TMEM127: variants seen among roughly 807,000 people sequenced by gnomAD.
TMEM127 encodes transmembrane protein 127.
A neutral mutation model predicts 20.1 loss-of-function variants in TMEM127; 21 were observed. The ratio of observed to expected loss-of-function variants is 1.04; its 90% CI spans 0.74 to 1.50. The LOEUF (loss-of-function observed/expected upper bound fraction) is 1.50. Ranked by LOEUF, TMEM127 falls within the 40% of genes most tolerant of loss-of-function variation. The probability of loss-of-function intolerance (pLI) is 0.00; values close to 1 mark genes in which losing one functional copy is unlikely to be tolerated. For missense variants in TMEM127, 303 were observed against 317.4 expected (o/e 0.95, Z 0.34); for synonymous variants, 150 against 144.7 (o/e 1.04, Z -0.26).
chr2:96,258,540 C>T (rs1558754137), intron 2 of TMEM127, among the ~76,000 whole-genome samples: 1 of 152,230 alleles, frequency 6.6e-6, no homozygotes, highest in Non-Finnish European at 1.5e-5. Context: ...TCAGAACTAT[C>T]TGTCATGATC....
Position 96,250,859 on chromosome 2 carries a change from G to A in TMEM127, c.*2949C>T, listed in dbSNP as rs1363206446. The A allele has an allele frequency of 8.6e-6, 2 of 231,546 alleles. No individual in the cohort carries two copies. The highest frequency in any genetic ancestry group is 1.2e-4 in the East Asian group (2 of 16,360). 14.3% of individuals were successfully genotyped at this position (231,546 alleles called of 1,614,324 possible). On this transcript the variant is annotated 3_prime_UTR_variant, in exon 4 of 4. Coordinates refer to ENST00000258439, the MANE Select transcript of TMEM127 (RefSeq NM_017849.4). ...GTTTCAAAGAAAGTGCAGTTTCTAG[G>A]GAGTGAAGGAACACGTGAAATACAG...
Position 96,252,789 on chromosome 2 carries a change from C to T in TMEM127, c.*1019G>A, listed in dbSNP as rs1246713462. The T allele has an allele frequency of 1.7e-5, 4 of 233,798 alleles. No homozygotes were observed. Among genetic ancestry groups the T allele is most frequent in the Admixed American group, 1.1e-4 (2 of 17,788 alleles). 14.5% of individuals were successfully genotyped at this position (233,798 alleles called of 1,614,324 possible). ...AGTCCTGAGGAGCACCACGCTGGCCCGCCAGCCAGGCCACAGTCCTCAGCC... is the reference window on the plus strand; with the variant it reads ...AGTCCTGAGGAGCACCACGCTGGCCTGCCAGCCAGGCCACAGTCCTCAGCC... On this transcript the variant is annotated 3_prime_UTR_variant, in exon 4 of 4. Coordinates refer to ENST00000258439, the MANE Select transcript of TMEM127 (RefSeq NM_017849.4). The surrounding 1 kb of genome is among the most constrained non-coding windows in gnomAD (Gnocchi z 4.2).
At position 96,265,283 on chromosome 2, in the gene TMEM127, C is replaced by T. The variant is rs746237736; in HGVS notation, c.99G>A (p.Ser33=). The T allele has an allele frequency of 1.9e-6, 3 of 1,564,318 alleles. No homozygotes were observed. Among genetic ancestry groups the T allele is most frequent in the Non-Finnish European group, 1.7e-6 (2 of 1,161,432 alleles). Residue 33 remains serine, a synonymous_variant, in exon 2 of 4, where the codon TCG becomes TCA. Coordinates refer to ENST00000258439, the MANE Select transcript of TMEM127 (RefSeq NM_017849.4). ...LPKQPERSLA[S]ALPGALSITA... ...TGATAGACAGGGCGCCAGGCAGGGC[C>T]GAGGCCAGGCTACGCTCCGGCTGCT... is the stretch of plus-strand genomic sequence containing the variant.
chr2:96,263,352 T>C (rs1049010133), intron 2 of TMEM127, among the ~76,000 whole-genome samples: 2 of 150,002 alleles, frequency 1.3e-5, no homozygotes, highest in Admixed American at 6.6e-5. Context: ...AGCCAGTTCC[T>C]GGCCTTTCTT....
Position 96,265,328 on chromosome 2 carries a change from C to A in TMEM127, c.54G>T (p.Pro18=). 1 of 1,520,920 alleles carries A rather than the reference C, an allele frequency of 6.6e-7. No homozygotes were observed. The highest frequency in any genetic ancestry group is 8.8e-7 in the Non-Finnish European group (1 of 1,138,920). The allele number at this position is 1,520,920 out of a possible 1,614,324, so 94.2% of individuals were successfully genotyped here. ...GCTGCTTGGGCAGAGCGCTGCCTCC[C>A]GGGCTCCTCCGCCGGCGCCCGCCGG... The part of the protein sequence containing the change: ...GLPGGRRRRS[P]GGSALPKQPE... The change falls in exon 2 of 4, where the codon CCG becomes CCT. Residue 18 remains proline, a synonymous_variant. Coordinates refer to ENST00000258439, the MANE Select transcript of TMEM127 (RefSeq NM_017849.4).
In TMEM127 at chr2:96,265,972, G is replaced by C. The variant is rs1684416026; in HGVS notation, c.-235C>G. On this transcript the variant is annotated 5_prime_UTR_variant, in exon 1 of 4. Transcript: ENST00000258439. ...CCAGGCCCCAATCCCGCAACGCCCG[G>C]ACAGACCCGGGGCCGATGCACTTCC... 1 of 188,302 alleles carries C rather than the reference G, an allele frequency of 5.3e-6. No individual in the cohort carries two copies. Among genetic ancestry groups the C allele is most frequent in the Admixed American group, 6.2e-5 (1 of 16,150 alleles). The allele number at this position is 188,302 out of a possible 1,614,324, so 11.7% of individuals were successfully genotyped here.
chr2:96,248,524 ATTC>A lies in TMEM127; in HGVS notation c.*5281_*5283del, dbSNP rs1041358489. 5.1e-6 allele frequency: 1 copy of A among 194,394 alleles called. No individual in the cohort carries two copies. The highest frequency in any genetic ancestry group is 6.1e-5 in the Admixed American group (1 of 16,360). The allele number at this position is 194,394 out of a possible 1,614,324, so 12.0% of individuals were successfully genotyped here. On this transcript the variant is annotated 3_prime_UTR_variant, in exon 4 of 4. Transcript: ENST00000258439. ...ATAAATAAGAAAAAATGAATGAGAC[ATTC>A]TTCTTTTATTAAAATAAAACCCATC...
At position 96,265,159 on chromosome 2, in the gene TMEM127, C is replaced by T. The variant is rs2104307262; in HGVS notation, c.223G>A (p.Val75Met). ...ELGVSDVLGY[V>M]HPDLLKDFCM... ...TCACCTTTCAGCAGGTCCGGGTGCA[C>T]ATAGCCCAACACGTCGGAGACCCCC... is the stretch of plus-strand genomic sequence containing the variant. The change falls in exon 2 of 4, where the codon GTG (valine) becomes ATG (methionine). Residue 75 changes from valine to methionine, a missense_variant. Coordinates refer to ENST00000258439, the MANE Select transcript of TMEM127 (RefSeq NM_017849.4). The T allele has an allele frequency of 1.9e-6, 3 of 1,611,648 alleles. No individual in the cohort carries two copies. Among genetic ancestry groups the T allele is most frequent in the Non-Finnish European group, 2.5e-6 (3 of 1,179,622 alleles).
Position 96,250,296 on chromosome 2 carries a change from G to C in TMEM127, c.*3512C>G. 4.3e-6 allele frequency: 1 copy of C among 232,972 alleles called. No individual in the cohort carries two copies. Among genetic ancestry groups the C allele is most frequent in the Non-Finnish European group, 8.5e-6 (1 of 117,930 alleles). The allele number at this position is 232,972 out of a possible 1,614,324, so 14.4% of individuals were successfully genotyped here. A position where few individuals can be genotyped will look rare whatever the true frequency, so the allele number is the denominator to read the frequency against. On this transcript the variant is annotated 3_prime_UTR_variant, in exon 4 of 4. Coordinates refer to ENST00000258439, the MANE Select transcript of TMEM127 (RefSeq NM_017849.4). ...TTTGCTCTTGCCATTCTCTCAGCAGGAGTGTCCCTATCCCAGTTCACTCCC... is the reference window on the plus strand; with the variant it reads ...TTTGCTCTTGCCATTCTCTCAGCAGCAGTGTCCCTATCCCAGTTCACTCCC...
In TMEM127 at chr2:96,263,067, G is replaced by A. The variant is rs13421398; in HGVS notation, c.244+2071C>T. On this transcript the variant is annotated intron_variant, in intron 2 of 3. Transcript: ENST00000258439. ...AATTTACTTTTTTTTTTTTTTTTGAGATGGAGTCTTGCTCTGCTCTGTTGC... is the reference window on the plus strand; with the variant it reads ...AATTTACTTTTTTTTTTTTTTTTGAAATGGAGTCTTGCTCTGCTCTGTTGC... Among the ~76,000 whole-genome samples, 645 of 143,410 alleles carry A rather than the reference G, an allele frequency of 4.5e-3. 7 individuals are homozygous for A. The highest frequency in any genetic ancestry group is 0.016 in the African/African-American group (617 of 38,680). 94.1% of individuals were successfully genotyped at this position (143,410 alleles called of 152,430 possible). A position where few individuals can be genotyped will look rare whatever the true frequency, so the allele number is the denominator to read the frequency against.
rs896902158 is a variant in TMEM127, at chr2:96,251,509, G to A, written c.*2299C>T. On this transcript the variant is annotated 3_prime_UTR_variant, in exon 4 of 4. Coordinates refer to ENST00000258439, the MANE Select transcript of TMEM127 (RefSeq NM_017849.4). ...TACACTCCAGCCCGGGTGACAGAGCGAGACTCTTGTCTCAAAAACAAGAAA... is the reference window on the plus strand; with the variant it reads ...TACACTCCAGCCCGGGTGACAGAGCAAGACTCTTGTCTCAAAAACAAGAAA... The A allele has an allele frequency of 2.7e-5, 6 of 225,444 alleles. No individual in the cohort carries two copies. The highest frequency in any genetic ancestry group is 2.6e-3 in the Middle Eastern group (2 of 768). The allele number at this position is 225,444 out of a possible 1,614,324, so 14.0% of individuals were successfully genotyped here. A position where few individuals can be genotyped will look rare whatever the true frequency, so the allele number is the denominator to read the frequency against.
chr2:96,259,686 C>T (rs903757362), intron 2 of TMEM127, among the ~76,000 whole-genome samples: 8 of 152,198 alleles, frequency 5.3e-5, no homozygotes, highest in Admixed American at 3.9e-4. Flanking sequence ...GACCTGGCGC[C>T]GAATCCTAGC....
intron 2 of TMEM127, among the ~76,000 whole-genome samples, chr2:96,262,275 A>G (rs951752766): frequency 6.6e-6 from 1 of 151,716 alleles, no homozygotes; most frequent in Admixed American, 6.6e-5. Context: ...AAAAAAAAAA[A>G]AAAAAACTCT....
intron 2 of TMEM127, among the ~76,000 whole-genome samples, chr2:96,256,854 A>G (rs1684218172): frequency 6.6e-6 from 1 of 152,212 alleles, no homozygotes; most frequent in Non-Finnish European, 1.5e-5. Flanking sequence ...AAAAACTGGA[A>G]AGTAAAGGGA....
At position 96,254,133 on chromosome 2, in the gene TMEM127, A is replaced by G. The variant is rs1374413238; in HGVS notation, c.410-18T>C. On this transcript the variant is annotated intron_variant, in intron 3 of 3. Transcript: ENST00000258439. The stretch of plus-strand genomic sequence containing the variant: ...CTGCAGAACTAGGAGACAGAGGGAC[A>G]GCACAGAAGGGGAATTAGTGAGCAC... 3 of 1,612,598 alleles carry G rather than the reference A, an allele frequency of 1.9e-6. No homozygotes were observed. Among genetic ancestry groups the G allele is most frequent in the Non-Finnish European group, 2.5e-6 (3 of 1,180,034 alleles).
At chr2:96,264,991 A>C in intron 2 of TMEM127, 147 bp downstream of exon 2, 1 of 1,366,064 alleles carries the variant, frequency 7.3e-7, no homozygotes, top group Non-Finnish European at 1.0e-6. Flanking sequence ...CCGGACCCCA[A>C]ACAGAGCCAC....
rs934952600 is a variant in TMEM127 at position 96,251,697 on chromosome 2, T to G, written c.*2111A>C. 1.3e-5 allele frequency: 3 copies of G among 232,766 alleles called. No individual in the cohort carries two copies. The highest frequency in any genetic ancestry group is 2.6e-5 in the Non-Finnish European group (3 of 117,634). 14.4% of individuals were successfully genotyped at this position (232,766 alleles called of 1,614,324 possible). On this transcript the variant is annotated 3_prime_UTR_variant, in exon 4 of 4. Coordinates refer to ENST00000258439, the MANE Select transcript of TMEM127 (RefSeq NM_017849.4). ...TTGGTTTTGTTTTCCCTTTTAATTT[T>G]TTTCTAGAAAAAAAAACACAACCCG...
In TMEM127 at chr2:96,252,668, G is replaced by A; in HGVS notation, c.*1140C>T. 1 of 233,974 alleles carries A rather than the reference G, an allele frequency of 4.3e-6. No individual in the cohort carries two copies. Among genetic ancestry groups the A allele is most frequent in the Non-Finnish European group, 8.5e-6 (1 of 118,220 alleles). 14.5% of individuals were successfully genotyped at this position (233,974 alleles called of 1,614,324 possible). A position where few individuals can be genotyped will look rare whatever the true frequency, so the allele number is the denominator to read the frequency against. On this transcript the variant is annotated 3_prime_UTR_variant, in exon 4 of 4. Transcript: ENST00000258439. This position sits in a 1 kb window ranked among gnomAD's most constrained non-coding sequence, Gnocchi z 4.2. ...TGGGTCTGATGCCTCACATGATGTGGCCCCACTGGTTGTATTCCTATGTGG... is the reference window on the plus strand; with the variant it reads ...TGGGTCTGATGCCTCACATGATGTGACCCCACTGGTTGTATTCCTATGTGG...
rs747098700 is a variant in TMEM127 at position 96,253,861 on chromosome 2, C to A, written c.664G>T (p.Ala222Ser). 6.2e-7 allele frequency: 1 copy of A among 1,613,986 alleles called. No homozygotes were observed. Among genetic ancestry groups the A allele is most frequent in the Non-Finnish European group, 8.5e-7 (1 of 1,179,908 alleles). The change falls in exon 4 of 4, where the codon GCG (alanine) becomes TCG (serine). Residue 222 changes from alanine to serine, a missense_variant. Coordinates refer to ENST00000258439, the MANE Select transcript of TMEM127 (RefSeq NM_017849.4). The surrounding 1 kb of genome is among the most constrained non-coding windows in gnomAD (Gnocchi z 4.3). ...AACTGGTTGATGACCTCATATTCCG[C>A]CGGGTAGGGCTCGTTCTCTTCCATC... ...SEMEENEPYP[A>S]EYEVINQFQP... is the part of the protein sequence containing the mutation.
Sources: gnomAD v4.1 joint callset for allele counts (sites outside exome capture counted in the v4.1 genomes callset) on GRCh38, gnomAD v4.1.1 for gene constraint, Gnocchi (gnomAD v3.1) non-coding constraint, MANE v1.5 for transcripts, NCBI Gene and HGNC (gene_info 2026-07-23, HGNC 2026-07-21) for gene names.